Variants in PCK1 observed in about 807,000 individuals in gnomAD.
PCK1 encodes phosphoenolpyruvate carboxykinase 1, also known as phosphoenolpyruvate carboxykinase, cytosolic [GTP].
Under a neutral mutation model 50.3 loss-of-function variants are expected in PCK1, and 44 were observed. The observed-to-expected ratio is 0.87, with a 90% CI of 0.69 to 1.12. The LOEUF (loss-of-function observed/expected upper bound fraction) is 1.12, where lower values mean the gene tolerates loss of function less well. PCK1 is among the 50% of genes most tolerant of loss of function. PCK1 has a pLI of 0.00. For missense variants in PCK1, 790 were observed against 815.0 expected (o/e 0.97, Z 0.37); for synonymous variants, 332 against 314.3 (o/e 1.06, Z -0.59).
rs941841446 is a variant in PCK1 at position 57,566,001 on chromosome 20, G to T, written c.*197G>T. ...ACACTGGGTAGTAGCTAATGAAATTGAGAAGGGAAATCTTAGCATGCCTCC... is the reference window on the plus strand; with the variant it reads ...ACACTGGGTAGTAGCTAATGAAATTTAGAAGGGAAATCTTAGCATGCCTCC... On this transcript the variant is annotated 3_prime_UTR_variant, in exon 10 of 10. Transcript: ENST00000319441. 4.1e-6 allele frequency: 2 copies of T among 484,610 alleles called. No homozygotes were observed. The highest frequency in any genetic ancestry group is 7.2e-6 in the Non-Finnish European group (2 of 277,784). 30.0% of individuals were successfully genotyped at this position (484,610 alleles called of 1,614,324 possible). A position where few individuals can be genotyped will look rare whatever the true frequency, so the allele number is the denominator to read the frequency against.
In PCK1 at chr20:57,564,336, C is replaced by T. The variant is rs770507025; in HGVS notation, c.1129C>T (p.Leu377=). Residue 377 remains leucine, a synonymous_variant, in exon 7 of 10, where the codon CTA becomes TTA. Transcript: ENST00000319441. ...TTACTGGGAAGGCATTGATGAGCCG[C>T]TAGCTTCAGGTGTCACCATCACGTC... The part of the protein sequence containing the change: ...GVYWEGIDEP[L]ASGVTITSWK... 9.9e-6 allele frequency: 16 copies of T among 1,614,044 alleles called. No homozygotes were observed. Among genetic ancestry groups the T allele is most frequent in the Admixed American group, 1.7e-5 (1 of 59,998 alleles).
chr20:57,561,600 G>A lies in PCK1; in HGVS notation c.189G>A (p.Glu63=), dbSNP rs1468424732. The A allele has an allele frequency of 6.2e-7, 1 of 1,613,304 alleles. No homozygotes were observed. Among genetic ancestry groups the A allele is most frequent in the Non-Finnish European group, 8.5e-7 (1 of 1,179,748 alleles). The part of the protein sequence containing the change: ...NGRLLGQMEE[E]GILRRLKKYD... ...GGCTTCTGGGCCAGATGGAGGAAGA[G>A]GGCATCCTCAGGCGGCTGAAGAAGT... Residue 63 remains glutamate (E), a synonymous_variant, in exon 2 of 10, where the codon GAG becomes GAA. Transcript: ENST00000319441.
At position 57,562,200 on chromosome 20, in the gene PCK1, AGAG is replaced by A; in HGVS notation, c.360_362del (p.Glu120del). 2 of 1,614,208 alleles carry A rather than the reference AGAG, an allele frequency of 1.2e-6. No homozygotes were observed. The highest frequency in any genetic ancestry group is 2.2e-5 in the East Asian group (1 of 44,888). ...TCAGCCAGCTCGGTCGCTGGATGTCAGAGGAGGATTTTGAGAAAGCGTTCAATG... is the reference window on the plus strand; with the variant it reads ...TCAGCCAGCTCGGTCGCTGGATGTCAGAGGATTTTGAGAAAGCGTTCAATG... On this transcript the variant is annotated inframe_deletion, in exon 3 of 10. Transcript: ENST00000319441.
Position 57,562,757 on chromosome 20 carries a change from C to A in PCK1, c.468C>A (p.Ile156=). Residue 156 remains isoleucine, a synonymous_variant, in exon 4 of 10, where the codon ATC becomes ATA. Transcript: ENST00000319441. ...CGCTGGGCTCGCCTCTGTCAAAGAT[C>A]GGCATCGAGCTGACGGATTCACCCT... ...MGPLGSPLSK[I]GIELTDSPYV... is the part of the protein sequence containing the mutation. The A allele has an allele frequency of 6.2e-7, 1 of 1,614,088 alleles. No individual in the cohort carries two copies.
rs201181688 is a variant in PCK1 at position 57,561,522 on chromosome 20, G to A, written c.111G>A (p.Leu37=). ...VREFLENNAE[L]CQPDHIHICD... is the part of the protein sequence containing the mutation. Reference sequence around the variant, plus strand: ...AGTTTCTCGAGAATAACGCTGAGCTGTGTCAGCCTGATCACATCCACATCT... The same window carrying A: ...AGTTTCTCGAGAATAACGCTGAGCTATGTCAGCCTGATCACATCCACATCT... Residue 37 remains leucine, a synonymous_variant, in exon 2 of 10, where the codon CTG becomes CTA. Coordinates refer to ENST00000319441, the MANE Select transcript of PCK1 (RefSeq NM_002591.4). 3.7e-6 allele frequency: 6 copies of A among 1,613,732 alleles called. No individual in the cohort carries two copies. In the Admixed American group the frequency reaches 8.3e-5, roughly 22 times the overall value.
Position 57,563,608 on chromosome 20 carries a change from C to G in PCK1, c.842C>G (p.Ala281Gly), listed in dbSNP as rs200991428. The change falls in exon 6 of 10, where the codon GCG becomes GGG. Residue 281 changes from alanine (A) to glycine (G), a missense_variant. Ala to Gly is a moderately conservative substitution (Grantham distance 60). Transcript: ENST00000319441. The stretch of plus-strand genomic sequence containing the variant: ...CCTGAGGGTGAGAAGAAGTACCTGG[C>G]GGCCGCATTTCCCAGCGCCTGCGGG... ...TNPEGEKKYL[A>G]AAFPSACGKT... 6.2e-7 allele frequency: 1 copy of G among 1,611,470 alleles called. No individual in the cohort carries two copies. The highest frequency in any genetic ancestry group is 1.7e-5 in the Admixed American group (1 of 59,952).
intron 3 of PCK1, 158 bp from the exon 4 acceptor site, chr20:57,562,538 T>A: frequency 1.5e-6 from 1 of 658,350 alleles, no homozygotes; most frequent in Non-Finnish European, 2.6e-6. Context: ...GGCTGTTCAC[T>A]TTCCAGTGGC....
At position 57,566,551 on chromosome 20, in the gene PCK1, A is replaced by G. The variant is rs1457903702; in HGVS notation, c.*747A>G. ...TGATTTAAATCCTGCCCCCTCCCCA[A>G]GAAGGTGGGGACGTTCAGAATCACA... On this transcript the variant is annotated 3_prime_UTR_variant, in exon 10 of 10. Transcript: ENST00000319441. The G allele has an allele frequency of 6.6e-6, 1 of 152,166 alleles. No individual in the cohort carries two copies. The highest frequency in any genetic ancestry group is 1.9e-4 in the East Asian group (1 of 5,188). The allele number at this position is 152,166 out of a possible 1,614,324, so 9.4% of individuals were successfully genotyped here. A position where few individuals can be genotyped will look rare whatever the true frequency, so the allele number is the denominator to read the frequency against.
chr20:57,563,249 G>C (rs2146528415), intron 5 of PCK1, 34 bp downstream of exon 5: 1 of 1,591,814 alleles, frequency 6.3e-7, no homozygotes, highest in East Asian at 2.2e-5. Flanking sequence ...GTGCAGATGA[G>C]AGGCCTGGGG....
At position 57,562,876 on chromosome 20, in the gene PCK1, TG is replaced by T; in HGVS notation, c.591del (p.Cys198AlafsTer19). The T allele has an allele frequency of 6.2e-7, 1 of 1,612,226 alleles. No individual in the cohort carries two copies. Among genetic ancestry groups the T allele is most frequent in the Non-Finnish European group, 8.5e-7 (1 of 1,178,256 alleles). ...DGEFVKCLHS[V>X]GCPLPLQKPL... ...GAGTTTGTCAAATGCCTCCATTCTG[TG>T]GGGTGCCCTCTGCCTTTACAAAGTA... On this transcript the variant is annotated frameshift_variant, in exon 4 of 10. Coordinates refer to ENST00000319441, the MANE Select transcript of PCK1 (RefSeq NM_002591.4). LOFTEE classifies it high-confidence loss of function.
At position 57,564,175 on chromosome 20, in the gene PCK1, T is replaced by G; in HGVS notation, c.968T>G (p.Leu323Ter). 1 of 1,612,146 alleles carries G rather than the reference T, an allele frequency of 6.2e-7. No homozygotes were observed. The highest frequency in any genetic ancestry group is 8.5e-7 in the Non-Finnish European group (1 of 1,178,358). ...AWMKFDAQGH[L>*]RAINPENGFF... ...CTGGTTTAAAACTCTCCAGGTCATT[T>G]AAGGGCCATCAACCCAGAAAATGGC... The change falls in exon 7 of 10, where the codon TTA becomes TGA. Residue 323 changes from leucine to a stop codon, truncating the protein, a stop_gained. Transcript: ENST00000319441. LOFTEE classifies it high-confidence loss of function.
chr20:57,564,423 C>T (rs371883232), intron 7 of PCK1, 30 bp downstream of exon 7: 20 of 1,613,824 alleles, frequency 1.2e-5, no homozygotes, highest in East Asian at 4.5e-5. Flanking sequence ...CTTGGTGTGC[C>T]GGGCTGCAGG....
At chr20:57,561,873 A>C in intron 2 of PCK1, 198 bp from the exon 3 acceptor site, 2 of 612,376 alleles carry the variant, frequency 3.3e-6, no homozygotes, top group Non-Finnish European at 5.7e-6. Flanking sequence ...ATTAAAAAAA[A>C]GGCAGCCCCT....
chr20:57,563,005 T>C (rs758647133), intron 4 of PCK1, 23 bp from the exon 5 acceptor site: 2 of 1,607,900 alleles, frequency 1.2e-6, no homozygotes, highest in Non-Finnish European at 1.7e-6. Context: ...GCGCACTGAC[T>C]TGGGAGGGGT....
rs147943264 is a variant in PCK1, at chr20:57,563,720, C to T, written c.954C>T (p.Asp318=). Reference sequence around the variant, plus strand: ...ATGACATTGCCTGGATGAAGTTTGACGCACAAGGTGACTCTTTTAGACCCA... The same window carrying T: ...ATGACATTGCCTGGATGAAGTTTGATGCACAAGGTGACTCTTTTAGACCCA... ...VGDDIAWMKF[D]AQGHLRAINP... Residue 318 remains aspartate, a synonymous_variant, in exon 6 of 10, where the codon GAC becomes GAT. Coordinates refer to ENST00000319441, the MANE Select transcript of PCK1 (RefSeq NM_002591.4). 1.8e-4 allele frequency: 294 copies of T among 1,608,432 alleles called. No individual in the cohort carries two copies. The highest frequency in any genetic ancestry group is 3.6e-4 in the African/African-American group (27 of 74,724).
Position 57,565,633 on chromosome 20 carries a change from G to C in PCK1, c.1698G>C (p.Leu566=), listed in dbSNP as rs1444219263. 2 of 1,614,178 alleles carry C rather than the reference G, an allele frequency of 1.2e-6. No individual in the cohort carries two copies. The highest frequency in any genetic ancestry group is 1.7e-6 in the Non-Finnish European group (2 of 1,180,040). The change falls in exon 10 of 10, where the codon CTG becomes CTC. Residue 566 remains leucine (L), a synonymous_variant. Transcript: ENST00000319441. Reference sequence around the variant, plus strand: ...TCCCCAAGGAGGATGCCCTGAACCTGAAAGGCCTGGGGCACATCAACATGA... The same window carrying C: ...TCCCCAAGGAGGATGCCCTGAACCTCAAAGGCCTGGGGCACATCAACATGA... ...GYIPKEDALN[L]KGLGHINMME...
At chr20:57,561,716 T>C in intron 2 of PCK1, 81 bp downstream of exon 2, 1 of 920,892 alleles carries the variant, frequency 1.1e-6, no homozygotes, top group East Asian at 2.4e-5. Flanking sequence ...TGGAGAAAGG[T>C]GAATGAAGGC....
At position 57,564,482 on chromosome 20, in the gene PCK1, G is replaced by A; in HGVS notation, c.1187G>A (p.Gly396Glu). 1 of 1,614,134 alleles carries A rather than the reference G, an allele frequency of 6.2e-7. No homozygotes were observed. Among genetic ancestry groups the A allele is most frequent in the Non-Finnish European group, 8.5e-7 (1 of 1,180,038 alleles). The change falls in exon 8 of 10, where the codon GGG becomes GAG. Residue 396 changes from glycine (G) to glutamate (E), a missense_variant and splice_region_variant. Coordinates refer to ENST00000319441, the MANE Select transcript of PCK1 (RefSeq NM_002591.4). ...WKNKEWSSED[G>E]EPCAHPNSRF... Reference sequence around the variant, plus strand: ...TCACGAGCCTTTCTCTGTCTTATAGGGGAACCTTGTGCCCACCCCAACTCG... The same window carrying A: ...TCACGAGCCTTTCTCTGTCTTATAGAGGAACCTTGTGCCCACCCCAACTCG...
At chr20:57,562,023 T>A (rs1344190417) in intron 2 of PCK1, 48 bp from the exon 3 acceptor site, 3 of 1,550,084 alleles carry the variant, frequency 1.9e-6, no homozygotes, top group Non-Finnish European at 2.7e-6. Context: ...AAGGAGATGG[T>A]TCGCTGCCCG....
Sources: allele counts gnomAD v4.1 joint callset, GRCh38; gene constraint gnomAD v4.1.1; transcripts MANE v1.5; gene names NCBI Gene and HGNC (gene_info 2026-07-23, HGNC 2026-07-21).